PMM2: variants seen among roughly 807,000 people sequenced by gnomAD.
PMM2 encodes the protein phosphomannomutase 2.
In PMM2, 35 loss-of-function variants were observed where a neutral mutation model predicts 33.2. The ratio of observed to expected loss-of-function variants is 1.06; its 90% CI spans 0.81 to 1.40. The LOEUF (loss-of-function observed/expected upper bound fraction) is 1.40. Among genes scored for constraint, PMM2 ranks in the 40% most tolerant of loss-of-function variants. The pLI, the probability that PMM2 is intolerant of heterozygous loss-of-function variation, is 0.00. For missense variants in PMM2, 386 were observed against 306.0 expected (o/e 1.26, Z -1.95); for synonymous variants, 153 against 114.7 (o/e 1.33, Z -2.13).
At chr16:8,827,792 A>AG in intron 7 of PMM2, among the ~76,000 whole-genome samples, 1 of 54,620 alleles carries the variant, frequency 1.8e-5, no homozygotes, top group Admixed American at 2.0e-4. Context: ...ATTTATATAT[A>AG]TTTATACATA....
chr16:8,805,029 T>C lies in PMM2; in HGVS notation c.255+186T>C, dbSNP rs149398384. Among the ~76,000 whole-genome samples, 563 of 152,374 alleles carry C rather than the reference T, an allele frequency of 3.7e-3. 4 individuals are homozygous for C. The highest frequency in any genetic ancestry group is 0.013 in the African/African-American group (537 of 41,586). ...TACATTGATAACTAAATTTTTATAC[T>C]TTTTAAATCTAATATTTCTCTCTTT... On this transcript the variant is annotated intron_variant, in intron 3 of 7. Coordinates refer to ENST00000268261, the MANE Select transcript of PMM2 (RefSeq NM_000303.3).
intron 3 of PMM2, among the ~76,000 whole-genome samples, chr16:8,805,064 GT>G (rs535966037): frequency 3.3e-5 from 5 of 151,710 alleles, no homozygotes; most frequent in Non-Finnish European, 7.4e-5. Flanking sequence ...TTCTTATTTT[GT>G]TTTTGAGACG....
intron 7 of PMM2, among the ~76,000 whole-genome samples, chr16:8,833,992 G>A (rs542027216): frequency 2.0e-5 from 3 of 151,870 alleles, no homozygotes; most frequent in African/African-American, 7.3e-5. Flanking sequence ...GTTGAGAATG[G>A]CGAATAGGAA....
At chr16:8,806,488 T>A in intron 4 of PMM2, 81 bp downstream of exon 4, 1 of 881,746 alleles carries the variant, frequency 1.1e-6, no homozygotes, top group South Asian at 1.3e-5. Context: ...ATTCTCCAAA[T>A]AGGATTATAA....
chr16:8,817,181 T>G (rs1180748058), intron 7 of PMM2, among the ~76,000 whole-genome samples: 1 of 152,244 alleles, frequency 6.6e-6, no homozygotes, highest in Non-Finnish European at 1.5e-5. Context: ...ACTGGGTACT[T>G]TGAAGGAGGT....
At chr16:8,815,140 T>C (rs2060700044) in intron 7 of PMM2, among the ~76,000 whole-genome samples, 1 of 152,190 alleles carries the variant, frequency 6.6e-6, no homozygotes, top group African/African-American at 2.4e-5. Flanking sequence ...AGTTTACTCA[T>C]GCTGGCACAA....
chr16:8,827,521 G>T (rs2060776292), intron 7 of PMM2, among the ~76,000 whole-genome samples: 2 of 149,424 alleles, frequency 1.3e-5, no homozygotes, highest in Admixed American at 6.7e-5. Flanking sequence ...TCAGCCTCCC[G>T]AGTAGCTGGG....
At chr16:8,843,115 G>C (rs2060901159) in intron 7 of PMM2, among the ~76,000 whole-genome samples, 1 of 152,120 alleles carries the variant, frequency 6.6e-6, no homozygotes, top group South Asian at 2.1e-4. Flanking sequence ...GCTTCAAAGA[G>C]TAATGTCTAA....
chr16:8,821,850 C>G (rs2060741095), intron 7 of PMM2, among the ~76,000 whole-genome samples: 1 of 152,228 alleles, frequency 6.6e-6, no homozygotes, highest in African/African-American at 2.4e-5. Flanking sequence ...GGCCATGCCC[C>G]AAACAAGCAT....
At chr16:8,841,989 G>A (rs1452490433) in intron 7 of PMM2, among the ~76,000 whole-genome samples, 1 of 151,434 alleles carries the variant, frequency 6.6e-6, no homozygotes, top group Admixed American at 6.6e-5. Flanking sequence ...GCCTCTAAAA[G>A]TATTAAAGCA....
intron 7 of PMM2, among the ~76,000 whole-genome samples, chr16:8,843,739 A>G (rs1325263696): frequency 6.6e-6 from 1 of 152,138 alleles, no homozygotes; most frequent in Non-Finnish European, 1.5e-5. Context: ...GCCAGATTCT[A>G]ATTTTTGGAG....
intron 7 of PMM2, among the ~76,000 whole-genome samples, chr16:8,836,358 G>T (rs943816255): frequency 6.6e-6 from 1 of 152,060 alleles, no homozygotes; most frequent in Non-Finnish European, 1.5e-5. Context: ...GGGAGTGGCT[G>T]CCAGGTGAGT....
At chr16:8,841,465 T>C (rs183395850) in intron 7 of PMM2, among the ~76,000 whole-genome samples, 15,545 of 128,586 alleles carry the variant, frequency 0.12, 556 homozygotes, top group East Asian at 0.21. Context: ...GGGGCAAATC[T>C]TCAAGCTTGA....
chr16:8,806,176 G>C, intron 3 of PMM2, 140 bp from the exon 4 acceptor site: 1 of 702,288 alleles, frequency 1.4e-6, no homozygotes, highest in South Asian at 1.5e-5. Context: ...GAATTAAACA[G>C]ACAGTGGGGC....
rs1453107367 is a variant in PMM2 at position 8,848,651 on chromosome 16, C to A, written c.*826C>A. ...CGGTTCTTACCCAGGTCCAGAGAAA[C>A]CAACGCGGGATGTCAGACTTCACCA... is the stretch of plus-strand genomic sequence containing the variant. On this transcript the variant is annotated 3_prime_UTR_variant, in exon 8 of 8. Coordinates refer to ENST00000268261, the MANE Select transcript of PMM2 (RefSeq NM_000303.3). 1 of 152,142 alleles carries A rather than the reference C, an allele frequency of 6.6e-6. No homozygotes were observed. The highest frequency in any genetic ancestry group is 2.4e-5 in the African/African-American group (1 of 41,358). 9.4% of individuals were successfully genotyped at this position (152,142 alleles called of 1,614,324 possible). A position where few individuals can be genotyped will look rare whatever the true frequency, so the allele number is the denominator to read the frequency against.
At chr16:8,843,577 C>G (rs1432002686) in intron 7 of PMM2, among the ~76,000 whole-genome samples, 1 of 152,030 alleles carries the variant, frequency 6.6e-6, no homozygotes, top group Non-Finnish European at 1.5e-5. Context: ...TGGAGGAACG[C>G]CTGGCCGCTG....
At chr16:8,803,198 G>A (rs1177653954) in intron 2 of PMM2, among the ~76,000 whole-genome samples, 1 of 152,192 alleles carries the variant, frequency 6.6e-6, no homozygotes, top group Non-Finnish European at 1.5e-5. Context: ...TGTATGGACT[G>A]TATTTATAGG....
At chr16:8,832,253 G>A in intron 7 of PMM2, 2 of 985,446 alleles carry the variant, frequency 2.0e-6, no homozygotes, top group Non-Finnish European at 2.4e-6. Context: ...GGCAGGTTGT[G>A]TTTGTGATGC....
intron 7 of PMM2, among the ~76,000 whole-genome samples, chr16:8,825,965 A>G (rs549919277): frequency 6.6e-6 from 1 of 152,194 alleles, no homozygotes; most frequent in Admixed American, 6.5e-5. Context: ...CATATGGGCC[A>G]GGCTGGTTTC....
Sources: gnomAD v4.1 joint callset for allele counts (sites outside exome capture counted in the v4.1 genomes callset) on GRCh38, gnomAD v4.1.1 for gene constraint, MANE v1.5 for transcripts, NCBI Gene and HGNC (gene_info 2026-07-23, HGNC 2026-07-21) for gene names.